Variants in CCDC148 observed in about 807,000 individuals in gnomAD.
The protein encoded by CCDC148 is coiled-coil domain-containing protein 148.
In CCDC148, 89 loss-of-function variants were observed where a neutral mutation model predicts 85.7. That is an observed-to-expected ratio of 1.04 (90% CI 0.87 to 1.24). The LOEUF (loss-of-function observed/expected upper bound fraction) is 1.24. CCDC148 is among the 50% of genes most tolerant of loss of function. The probability of loss-of-function intolerance (pLI) is 0.00; values close to 1 mark genes in which losing one functional copy is unlikely to be tolerated. For synonymous variants in CCDC148, 230 were observed against 213.9 expected (o/e 1.08, Z -0.66); for missense variants, 692 against 671.7 (o/e 1.03, Z -0.33).
chr2:158,236,035 G>A (rs1214680395), intron 10 of CCDC148: 1 of 152,234 alleles, frequency 6.6e-6, no homozygotes, highest in Non-Finnish European at 1.5e-5. Flanking sequence ...TGAAAACTGT[G>A]CTACAGAGCA....
At chr2:158,286,258 G>A (rs1690619649) in intron 9 of CCDC148, among the ~76,000 whole-genome samples, 1 of 151,912 alleles carries the variant, frequency 6.6e-6, no homozygotes, top group Non-Finnish European at 1.5e-5. Flanking sequence ...CCTCTGCAAA[G>A]AAACAATAAA....
intron 10 of CCDC148, among the ~76,000 whole-genome samples, chr2:158,228,714 A>C (rs1574449264): frequency 6.6e-6 from 1 of 151,292 alleles, no homozygotes; most frequent in South Asian, 2.1e-4. Context: ...AAGGACAAAA[A>C]ACCAAACACC....
Position 158,397,526 on chromosome 2 carries a change from C to T in CCDC148, c.26-38956G>A, listed in dbSNP as rs557001746. Among the ~76,000 whole-genome samples, 83 of 152,220 alleles carry T rather than the reference C, an allele frequency of 5.5e-4. 1 individual carries two copies. The highest frequency in any genetic ancestry group is 1.9e-3 in the African/African-American group (80 of 41,554). ...ACCCAGAATTTCATATCCAGCCAAA[C>T]TAAGTTTCATAAGTGAAGGAGAAAT... On this transcript the variant is annotated intron_variant, in intron 1 of 13. Transcript: ENST00000283233.
chr2:158,280,200 T>A (rs937290402), intron 9 of CCDC148, among the ~76,000 whole-genome samples: 9 of 152,078 alleles, frequency 5.9e-5, no homozygotes, highest in African/African-American at 9.7e-5. Flanking sequence ...CATCGAGACT[T>A]GGAAGAAACT....
chr2:158,433,087 A>ATATATATATCT (rs1242018411), intron 1 of CCDC148, among the ~76,000 whole-genome samples: 1 of 51,598 alleles, frequency 1.9e-5, no homozygotes, highest in Non-Finnish European at 5.2e-5. Flanking sequence ...AAAAAAAAAA[A>ATATATATATCT]AAAAATATAT....
chr2:158,363,565 A>C (rs994949230), intron 1 of CCDC148, among the ~76,000 whole-genome samples: 1 of 152,242 alleles, frequency 6.6e-6, no homozygotes, highest in Non-Finnish European at 1.5e-5. Context: ...GACATAAACC[A>C]TATGATTATC....
chr2:158,259,304 T>C (rs1450587696), intron 9 of CCDC148, among the ~76,000 whole-genome samples: 1 of 152,024 alleles, frequency 6.6e-6, no homozygotes, highest in East Asian at 1.9e-4. Flanking sequence ...AGTCTTGTAA[T>C]TACTTGACTG....
At chr2:158,179,066 A>C in intron 11 of CCDC148, 70 bp from the exon 12 acceptor site, 3 of 1,162,040 alleles carry the variant, frequency 2.6e-6, no homozygotes. Context: ...AGAAAACAGC[A>C]TAGGGGCAGA....
intron 1 of CCDC148, among the ~76,000 whole-genome samples, chr2:158,420,858 A>T (rs771867822): frequency 5.3e-5 from 8 of 152,166 alleles, no homozygotes; most frequent in Non-Finnish European, 1.0e-4. Context: ...GTGCACAGAC[A>T]AACATAGGCT....
chr2:158,313,626 C>T (rs1692142025), intron 8 of CCDC148, 130 bp downstream of exon 8: 1 of 935,090 alleles, frequency 1.1e-6, no homozygotes, highest in Middle Eastern at 2.7e-4. Context: ...TTATATAACC[C>T]TATTATTTTC....
intron 9 of CCDC148, among the ~76,000 whole-genome samples, chr2:158,260,901 G>A (rs530149894): frequency 1.3e-5 from 2 of 152,060 alleles, no homozygotes; most frequent in African/African-American, 4.8e-5. Flanking sequence ...CCATGCTCAT[G>A]GATAGGAAGA....
chr2:158,369,744 G>A (rs879445248), intron 1 of CCDC148, among the ~76,000 whole-genome samples: 8 of 151,396 alleles, frequency 5.3e-5, no homozygotes, highest in African/African-American at 1.5e-4. Context: ...TCCTTGTCTT[G>A]TGCCAGTTTT....
intron 10 of CCDC148, among the ~76,000 whole-genome samples, chr2:158,241,403 T>C (rs1002369796): frequency 5.9e-5 from 9 of 152,132 alleles, no homozygotes; most frequent in Non-Finnish European, 1.2e-4. Flanking sequence ...TAATAAGAGC[T>C]CCCATTGACC....
chr2:158,336,986 T>C (rs529755596), intron 7 of CCDC148, among the ~76,000 whole-genome samples: 54 of 152,286 alleles, frequency 3.5e-4, no homozygotes, highest in Admixed American at 1.8e-3. Context: ...TGCAGAATTG[T>C]TAGCATGTGA....
chr2:158,180,918 A>G (rs1684868601), intron 11 of CCDC148, among the ~76,000 whole-genome samples: 1 of 152,034 alleles, frequency 6.6e-6, no homozygotes, highest in Non-Finnish European at 1.5e-5. Flanking sequence ...TATAGTCAAG[A>G]CACATAGATT....
intron 1 of CCDC148, among the ~76,000 whole-genome samples, chr2:158,453,832 G>T (rs1035906830): frequency 3.9e-5 from 6 of 152,184 alleles, no homozygotes; most frequent in African/African-American, 1.4e-4. Context: ...TCGTTCTTGA[G>T]GGTGGAGTCA....
At chr2:158,287,756 G>T (rs550899984) in intron 9 of CCDC148, among the ~76,000 whole-genome samples, 1 of 152,184 alleles carries the variant, frequency 6.6e-6, no homozygotes, top group Non-Finnish European at 1.5e-5. Flanking sequence ...GCAAGCTGTT[G>T]GTTGATCTAC....
intron 9 of CCDC148, among the ~76,000 whole-genome samples, chr2:158,282,820 A>C (rs1690396306): frequency 6.6e-6 from 1 of 152,220 alleles, no homozygotes; most frequent in Non-Finnish European, 1.5e-5. Context: ...CACATCGCCA[A>C]GTCAATCCTA....
chr2:158,441,036 C>T (rs2105342564), intron 1 of CCDC148, among the ~76,000 whole-genome samples: 1 of 152,160 alleles, frequency 6.6e-6, no homozygotes. Flanking sequence ...GCCTGGGTGA[C>T]ACAGTGAGAC....
Sources: allele counts gnomAD v4.1 joint callset (sites outside exome capture counted in the v4.1 genomes callset), GRCh38; gene constraint gnomAD v4.1.1; transcripts MANE v1.5; gene names NCBI Gene and HGNC (gene_info 2026-07-23, HGNC 2026-07-21).